The following SRRM2 variants were observed in gnomAD, a reference collection of about 807,000 sequenced individuals.
The protein encoded by SRRM2 is serine/arginine repetitive matrix 2.
In SRRM2, 30 loss-of-function variants were observed where a neutral mutation model predicts 213.8. The observed-to-expected ratio is 0.14, with a 90% CI of 0.10 to 0.19. The LOEUF is 0.19. Ranked by LOEUF, SRRM2 falls within the 10% of genes least tolerant of loss-of-function variation. The pLI, the probability that SRRM2 is intolerant of heterozygous loss-of-function variation, is 1.00. For missense variants in SRRM2, 4,904 were observed against 3,647.0 expected (o/e 1.34, Z -8.88); for synonymous variants, 2,025 against 1,377.7 (o/e 1.47, Z -10.40).
rs765617796 is a variant in SRRM2 at position 2,768,189 on chromosome 16, C to T, written c.7661C>T (p.Ser2554Phe). 8.7e-6 allele frequency: 14 copies of T among 1,610,106 alleles called. No homozygotes were observed. Among genetic ancestry groups the T allele is most frequent in the Non-Finnish European group, 1.2e-5 (14 of 1,177,784 alleles). ...TCATCATCGTCGTCGTCGTCCTCCT[C>T]CTCCTCTGGCTCCAGTTCTAGTGAC... Reference protein sequence around the residue: ...SSSSSSSSSSSSSGSSSSDSE... With the variant: ...SSSSSSSSSSFSSGSSSSDSE... Residue 2554 changes from serine (S) to phenylalanine (F), a missense_variant, in exon 11 of 15, where the codon TCC becomes TTC. Transcript: ENST00000301740.
Position 2,764,478 on chromosome 16 carries a change from T to A in SRRM2, c.3950T>A (p.Leu1317Gln). The A allele has an allele frequency of 1.2e-6, 2 of 1,613,780 alleles. No individual in the cohort carries two copies. The highest frequency in any genetic ancestry group is 1.7e-6 in the Non-Finnish European group (2 of 1,179,960). Residue 1317 changes from leucine (L) to glutamine (Q), a missense_variant, in exon 11 of 15, where the codon CTG (leucine) becomes CAG (glutamine). By Grantham distance (113) the Leu-to-Gln change is moderately radical. Transcript: ENST00000301740. Reference protein sequence around the residue: ...GPHFSPEHKELSNSPLRENSF... With the variant: ...GPHFSPEHKEQSNSPLRENSF... ...CATTTTTCTCCAGAACATAAAGAAC[T>A]GTCTAACTCCCCACTCAGGGAGAAC...
rs754187665 is a variant in SRRM2 at position 2,760,290 on chromosome 16, A to G, written c.834-11A>G. On this transcript the variant is annotated splice_polypyrimidine_tract_variant and intron_variant, in intron 9 of 14. Transcript: ENST00000301740. ...TCCTTCCTCTCCCACGTCCTCAATT[A>G]ACTCCTGCAGGTCTCGAAGTGCTGC... is the stretch of plus-strand genomic sequence containing the variant. 1 of 1,611,380 alleles carries G rather than the reference A, an allele frequency of 6.2e-7. No individual in the cohort carries two copies. The highest frequency in any genetic ancestry group is 2.2e-5 in the East Asian group (1 of 44,874).
rs936765872 is a variant in SRRM2, at chr16:2,762,441, G to C, written c.1913G>C (p.Arg638Thr). The change falls in exon 11 of 15, where the codon AGA (arginine) becomes ACA (threonine). Residue 638 changes from arginine (R) to threonine (T), a missense_variant. Transcript: ENST00000301740. ...RSPVRRRSRS[R>T]SPARRSGRSR... The stretch of plus-strand genomic sequence containing the variant: ...CCAGTACGACGCAGGTCTCGTAGTA[G>C]ATCACCAGCCAGGAGAAGTGGCAGG... 3.7e-6 allele frequency: 6 copies of C among 1,613,966 alleles called. No homozygotes were observed. In the African/African-American group the frequency reaches 4.0e-5, roughly 11 times the overall value.
intron 11 of SRRM2, chr16:2,768,694 G>A: frequency 1.5e-6 from 1 of 681,416 alleles, no homozygotes; most frequent in Non-Finnish European, 2.7e-6. Context: ...GCTCTCCGAG[G>A]AAGGAGACTA....
rs202037877 is a variant in SRRM2 at position 2,763,349 on chromosome 16, G to T, written c.2821G>T (p.Val941Leu). 2.8e-5 allele frequency: 45 copies of T among 1,614,178 alleles called. No individual in the cohort carries two copies. The African/African-American group carries it at 4.9e-4, about 18-fold the overall frequency. ...CTCCTCTTCTCCAAGTCCTAGTAGG[G>T]TGACGTCGAGAACAACTCCACGGCG... Reference protein sequence around the residue: ...SGSSSPSPSRVTSRTTPRRSR... With the variant: ...SGSSSPSPSRLTSRTTPRRSR... Residue 941 changes from valine to leucine, a missense_variant, in exon 11 of 15, where the codon GTG becomes TTG. Physicochemically the swap from Val to Leu is conservative, Grantham distance 32. Transcript: ENST00000301740.
chr16:2,759,872 T>A, intron 9 of SRRM2: 1 of 577,864 alleles, frequency 1.7e-6, no homozygotes, highest in Non-Finnish European at 3.0e-6. Context: ...TTATTTGTTA[T>A]TTTTGTTTCG....
chr16:2,753,868 G>C (rs1181841405), intron 1 of SRRM2, among the ~76,000 whole-genome samples: 2 of 152,196 alleles, frequency 1.3e-5, no homozygotes, highest in Non-Finnish European at 2.9e-5. Context: ...TGTGCTTGCT[G>C]ATGTCCATTT....
intron 13 of SRRM2, 59 bp downstream of exon 13, chr16:2,770,524 A>G: frequency 6.4e-7 from 1 of 1,563,252 alleles, no homozygotes; most frequent in Non-Finnish European, 8.7e-7. Flanking sequence ...CTTTCTACAA[A>G]GAAGAAAGCT....
intron 1 of SRRM2, among the ~76,000 whole-genome samples, chr16:2,753,157 C>T (rs1026751069): frequency 1.3e-5 from 2 of 151,564 alleles, no homozygotes; most frequent in African/African-American, 4.8e-5. Context: ...CCAACATGTG[C>T]CGCCGAGGTG....
chr16:2,757,615 C>G (rs1208546659), intron 3 of SRRM2, 36 bp downstream of exon 3: 13 of 1,592,620 alleles, frequency 8.2e-6, no homozygotes, highest in African/African-American at 1.3e-5. Flanking sequence ...ACTCTGGACT[C>G]TACTCTGGCT....
At position 2,771,408 on chromosome 16, in the gene SRRM2, A is replaced by AG; in HGVS notation, c.*543dup. 3.1e-6 allele frequency: 5 copies of AG among 1,611,324 alleles called. 1 individual carries two copies. In the South Asian group the frequency reaches 5.5e-5, roughly 18 times the overall value. On this transcript the variant is annotated 3_prime_UTR_variant, in exon 15 of 15. Transcript: ENST00000301740. ...TCTGTCAAATAAAAATGAGAAATGC[A>AG]GGAACTGGGTCTGTAGACTGTTTAT...
Position 2,764,670 on chromosome 16 carries a change from A to G in SRRM2, c.4142A>G (p.His1381Arg). ...MKEQSTRSSG[H>R]SSSELSPDAV... ...GAACAATCGACAAGATCCTCTGGAC[A>G]CAGCAGTTCTGAGTTATCCCCAGAT... Residue 1381 changes from histidine (H) to arginine (R), a missense_variant, in exon 11 of 15, where the codon CAC becomes CGC. Physicochemically the swap from His to Arg is conservative, Grantham distance 29 (BLOSUM62 0). Transcript: ENST00000301740. 6.2e-7 allele frequency: 1 copy of G among 1,614,150 alleles called. No homozygotes were observed. Among genetic ancestry groups the G allele is most frequent in the Middle Eastern group, 1.6e-4 (1 of 6,062 alleles).
chr16:2,764,916 C>G lies in SRRM2; in HGVS notation c.4388C>G (p.Ser1463Cys). The change falls in exon 11 of 15, where the codon TCT becomes TGT. Residue 1463 changes from serine to cysteine, a missense_variant. By Grantham distance (112) the Ser-to-Cys change is moderately radical. Coordinates refer to ENST00000301740, the MANE Select transcript of SRRM2 (RefSeq NM_016333.4). ...TPSRHSLSGS[S>C]PGMKDIPRTP... ...TCGAGGCACAGCCTGTCTGGGTCCT[C>G]TCCTGGAATGAAAGATATACCTAGA... 1.2e-6 allele frequency: 2 copies of G among 1,614,152 alleles called. No homozygotes were observed. Among genetic ancestry groups the G allele is most frequent in the East Asian group, 2.2e-5 (1 of 44,886 alleles).
rs1185287839 is a variant in SRRM2 at position 2,771,399 on chromosome 16, G to A, written c.*532G>A. 1.1e-5 allele frequency: 17 copies of A among 1,609,616 alleles called. No individual in the cohort carries two copies. The highest frequency in any genetic ancestry group is 1.4e-5 in the Non-Finnish European group (17 of 1,176,284). On this transcript the variant is annotated 3_prime_UTR_variant, in exon 15 of 15. Coordinates refer to ENST00000301740, the MANE Select transcript of SRRM2 (RefSeq NM_016333.4). ...GCAACTTTTTCTGTCAAATAAAAAT[G>A]AGAAATGCAGGAACTGGGTCTGTAG...
chr16:2,753,036 A>C (rs868854349), intron 1 of SRRM2, among the ~76,000 whole-genome samples, 190 bp downstream of exon 1: 4,005 of 138,096 alleles, frequency 0.029, 7 homozygotes, highest in Admixed American at 0.045. Context: ...CGCGGGCTTC[A>C]CCCCCCCCCG....
chr16:2,761,792 C>G lies in SRRM2; in HGVS notation c.1264C>G (p.Pro422Ala). Residue 422 changes from proline to alanine, a missense_variant, in exon 11 of 15, where the codon CCA becomes GCA. By Grantham distance (27) the Pro-to-Ala change is conservative (BLOSUM62 -1). Coordinates refer to ENST00000301740, the MANE Select transcript of SRRM2 (RefSeq NM_016333.4). ...LPQSSSSESS[P>A]PSPQPTKVSR... The stretch of plus-strand genomic sequence containing the variant: ...CCAGTCTTCTTCCTCAGAGAGCAGC[C>G]CACCATCCCCTCAACCTACCAAAGT... 1.9e-6 allele frequency: 3 copies of G among 1,614,006 alleles called. No homozygotes were observed. Among genetic ancestry groups the G allele is most frequent in the Non-Finnish European group, 2.5e-6 (3 of 1,179,986 alleles).
At chr16:2,761,221 T>G (rs1232662185) in intron 10 of SRRM2, among the ~76,000 whole-genome samples, 1 of 152,258 alleles carries the variant, frequency 6.6e-6, no homozygotes, top group Non-Finnish European at 1.5e-5. Flanking sequence ...TCTTCAAAGG[T>G]GAAGTTGCCA....
chr16:2,763,368 C>G lies in SRRM2; in HGVS notation c.2840C>G (p.Pro947Arg). 1 of 1,614,170 alleles carries G rather than the reference C, an allele frequency of 6.2e-7. No homozygotes were observed. ...SPSRVTSRTT[P>R]RRSRSVSPCS... ...AGTAGGGTGACGTCGAGAACAACTC[C>G]ACGGCGAAGCAGATCAGTATCTCCC... Residue 947 changes from proline (P) to arginine (R), a missense_variant, in exon 11 of 15, where the codon CCA (proline) becomes CGA (arginine). By Grantham distance (103) the Pro-to-Arg change is moderately radical. Transcript: ENST00000301740.
rs777206525 is a variant in SRRM2, at chr16:2,767,767, C to T, written c.7239C>T (p.Ala2413=). ...DRARSRTPPS[A]PSQSRMTSER... is the part of the protein sequence containing the mutation. Reference sequence around the variant, plus strand: ...CTAGGTCCAGAACACCACCGTCTGCCCCAAGCCAATCTAGGATGACCTCTG... The same window carrying T: ...CTAGGTCCAGAACACCACCGTCTGCTCCAAGCCAATCTAGGATGACCTCTG... Residue 2413 remains alanine, a synonymous_variant, in exon 11 of 15, where the codon GCC becomes GCT. Transcript: ENST00000301740. 3 of 1,613,988 alleles carry T rather than the reference C, an allele frequency of 1.9e-6. No homozygotes were observed. The highest frequency in any genetic ancestry group is 1.7e-5 in the Admixed American group (1 of 59,990).
Sources: allele counts gnomAD v4.1 joint callset (sites outside exome capture counted in the v4.1 genomes callset), GRCh38; gene constraint gnomAD v4.1.1; transcripts MANE v1.5; gene names NCBI Gene and HGNC (gene_info 2026-07-23, HGNC 2026-07-21).